DCDC1: variants seen among roughly 807,000 people sequenced by gnomAD.
DCDC1 encodes doublecortin domain containing 1, also known as doublecortin domain-containing protein 1.
In DCDC1, 200 loss-of-function variants were observed where a neutral mutation model predicts 178.3. The ratio of observed to expected loss-of-function variants is 1.12; its 90% confidence interval spans 1.00 to 1.26. DCDC1 has a LOEUF of 1.26. Ranked by LOEUF, DCDC1 falls within the 50% of genes most tolerant of loss-of-function variation. The pLI, the probability that DCDC1 is intolerant of heterozygous loss-of-function variation, is 0.00. For synonymous variants in DCDC1, 690 were observed against 604.8 expected, an observed-to-expected ratio of 1.14 and a Z score of -2.07; for missense variants, 1,983 against 1,749.2, an observed-to-expected ratio of 1.13 and a Z score of -2.38.
At chr11:30,867,019 A>G (rs1941049389) in intron 38 of DCDC1, among the ~76,000 whole-genome samples, 1 of 152,190 alleles carries the variant, frequency 6.6e-6, no homozygotes, top group Non-Finnish European at 1.5e-5. Context: ...TGGACTTCCC[A>G]GCCTCCAGAA....
intron 23 of DCDC1, among the ~76,000 whole-genome samples, chr11:30,924,316 G>A (rs1020208808): frequency 2.3e-4 from 35 of 152,272 alleles, no homozygotes; most frequent in African/African-American, 7.7e-4. Flanking sequence ...TCCACCCTGC[G>A]ATTCTGCCTC....
At chr11:30,886,031 TG>T (rs1943138708) in intron 36 of DCDC1, among the ~76,000 whole-genome samples, 1 of 152,074 alleles carries the variant, frequency 6.6e-6, no homozygotes, top group African/African-American at 2.4e-5. Flanking sequence ...TTTTTAAGAA[TG>T]TTAAATTATA....
chr11:30,963,628 G>T (rs1565129348), intron 20 of DCDC1, among the ~76,000 whole-genome samples: 1 of 152,048 alleles, frequency 6.6e-6, no homozygotes, highest in Non-Finnish European at 1.5e-5. Flanking sequence ...ATAAGAGCTG[G>T]ACTAACTGCT....
chr11:31,321,361 G>A (rs1227953822), intron 3 of DCDC1, among the ~76,000 whole-genome samples: 2 of 135,278 alleles, frequency 1.5e-5, no homozygotes, highest in African/African-American at 2.8e-5. Context: ...CTCGTGGTGC[G>A]CCGTTTCTTA....
chr11:30,938,742 G>GATAAAA (rs1947439077), intron 21 of DCDC1, among the ~76,000 whole-genome samples: 1 of 152,176 alleles, frequency 6.6e-6, no homozygotes, highest in East Asian at 1.9e-4. Flanking sequence ...AGATAAAACA[G>GATAAAA]CAATACTTTA....
chr11:31,046,105 T>C (rs1307641507), intron 20 of DCDC1, among the ~76,000 whole-genome samples: 1 of 152,184 alleles, frequency 6.6e-6, no homozygotes, highest in African/African-American at 2.4e-5. Context: ...CAAGACTCCC[T>C]TTATTCATAT....
At chr11:31,321,216 A>C (rs1390267115) in intron 3 of DCDC1, among the ~76,000 whole-genome samples, 8 of 58,874 alleles carry the variant, frequency 1.4e-4, no homozygotes, top group African/African-American at 4.4e-4. Context: ...TTGTTTACCT[A>C]AGCAAGCCTG....
chr11:31,042,419 C>T (rs1366173819), intron 20 of DCDC1, among the ~76,000 whole-genome samples: 1 of 152,080 alleles, frequency 6.6e-6, no homozygotes. Context: ...GCCAGCAAGT[C>T]CCAAAGTCAT....
intron 6 of DCDC1, among the ~76,000 whole-genome samples, chr11:31,301,532 C>G (rs1281286964): frequency 1.3e-5 from 2 of 152,104 alleles, no homozygotes; most frequent in Non-Finnish European, 2.9e-5. Context: ...TAAAAATCAA[C>G]AAATTCAGTA....
chr11:30,901,280 G>A (rs1007175775), intron 32 of DCDC1, among the ~76,000 whole-genome samples: 4 of 152,038 alleles, frequency 2.6e-5, no homozygotes, highest in African/African-American at 9.7e-5. Flanking sequence ...TATATACTGG[G>A]TATTTTATTA....
intron 3 of DCDC1, 100 bp downstream of exon 3, chr11:31,328,017 A>T: frequency 8.0e-7 from 1 of 1,245,378 alleles, no homozygotes. Context: ...GGCATGAGCC[A>T]CCTGGCCCGG....
intron 7 of DCDC1, among the ~76,000 whole-genome samples, chr11:31,286,162 C>T (rs1946812812): frequency 6.6e-6 from 1 of 151,168 alleles, no homozygotes; most frequent in Non-Finnish European, 1.5e-5. Context: ...TTCCCAGGGC[C>T]CACACTCAAG....
At position 30,952,587 on chromosome 11, in the gene DCDC1, A is replaced by G; in HGVS notation, c.2592-19T>C. On this transcript the variant is annotated intron_variant, in intron 20 of 38. Coordinates refer to ENST00000684477, the MANE Select transcript of DCDC1 (RefSeq NM_001387274.1). ...GGCCCACCTAAAACAAAAGATAAAA[A>G]ACAAAAAGAAATTTAGCAAGGTTAA... is the stretch of plus-strand genomic sequence containing the variant. 9.1e-7 allele frequency: 1 copy of G among 1,097,894 alleles called. No homozygotes were observed. Among genetic ancestry groups the G allele is most frequent in the South Asian group, 1.5e-5 (1 of 68,680 alleles). 68.0% of individuals were successfully genotyped at this position (1,097,894 alleles called of 1,614,324 possible). A position where few individuals can be genotyped will look rare whatever the true frequency, so the allele number is the denominator to read the frequency against.
chr11:31,106,840 T>C lies in DCDC1; in HGVS notation c.1708A>G (p.Lys570Glu). 1 of 766,238 alleles carries C rather than the reference T, an allele frequency of 1.3e-6. No individual in the cohort carries two copies. Among genetic ancestry groups the C allele is most frequent in the Non-Finnish European group, 2.4e-6 (1 of 417,806 alleles). 47.5% of individuals were successfully genotyped at this position (766,238 alleles called of 1,614,324 possible). A position where few individuals can be genotyped will look rare whatever the true frequency, so the allele number is the denominator to read the frequency against. The change falls in exon 13 of 39, where the codon AAG becomes GAG. Residue 570 changes from lysine to glutamate, a missense_variant. Transcript: ENST00000684477. ...GQEIKNPLSL[K>E]NEQKIWVSYG... ...GAGACCCAAATTTTTTGCTCATTCT[T>C]CAGCGAAAGTGGATTCTTAATTTCT... is the stretch of plus-strand genomic sequence containing the variant.
intron 7 of DCDC1, among the ~76,000 whole-genome samples, chr11:31,274,716 T>C (rs866266313): frequency 2.9e-4 from 34 of 116,854 alleles, no homozygotes; most frequent in African/African-American, 5.0e-4. Context: ...TTTTTTTTTT[T>C]CCGAGACAGA....
chr11:31,292,981 G>A lies in DCDC1; in HGVS notation c.755-2129C>T, dbSNP rs561124442. On this transcript the variant is annotated intron_variant, in intron 6 of 38. Transcript: ENST00000684477. ...GGTATTAACTCTACCTTCAAACTAC[G>A]TTTGAACCCTAGCTCTGTTTCTTAG... 2.3e-4 allele frequency among the ~76,000 whole-genome samples: 35 copies of A among 152,150 alleles called. 1 individual carries two copies. The highest frequency in any genetic ancestry group is 6.7e-4 in the African/African-American group (28 of 41,502).
chr11:31,190,056 A>G (rs1486615913), intron 9 of DCDC1, among the ~76,000 whole-genome samples: 1 of 152,168 alleles, frequency 6.6e-6, no homozygotes, highest in African/African-American at 2.4e-5. Flanking sequence ...GGTTGGAAAT[A>G]TTGAACCACT....
chr11:31,322,192 G>A (rs1949402121), intron 3 of DCDC1, among the ~76,000 whole-genome samples: 1 of 152,188 alleles, frequency 6.6e-6, no homozygotes, highest in East Asian at 1.9e-4. Context: ...AACTCAATCA[G>A]TGGTCGATAT....
rs1163020292 is a variant in DCDC1, at chr11:30,906,551, T to C, written c.4093A>G (p.Ser1365Gly). ...AGATCATTACATACCTCAGCCACAC[T>C]GATGACCTTGAAGGGCCCTTGTAAG... ...PFLQGPFKVI[S>G]VAEVDLSCDK... The change falls in exon 30 of 39, where the codon AGT becomes GGT. Residue 1365 changes from serine to glycine, a missense_variant. Physicochemically the swap from Ser to Gly is moderately conservative, Grantham distance 56. Transcript: ENST00000684477. 15 of 1,612,674 alleles carry C rather than the reference T, an allele frequency of 9.3e-6. No individual in the cohort carries two copies. Among genetic ancestry groups the C allele is most frequent in the Non-Finnish European group, 1.3e-5 (15 of 1,179,370 alleles).
Sources: allele counts gnomAD v4.1 joint callset (sites outside exome capture counted in the v4.1 genomes callset), GRCh38; gene constraint gnomAD v4.1.1; transcripts MANE v1.5; gene names NCBI Gene and HGNC (gene_info 2026-07-23, HGNC 2026-07-21).